SLC12A6: variants seen among roughly 807,000 people sequenced by gnomAD.
The protein encoded by SLC12A6 is K-Cl cotransporter 3.
SLC12A6 carries 66 observed loss-of-function variants against 135.3 expected under a neutral mutation model. The ratio of observed to expected loss-of-function variants is 0.49; its 90% CI spans 0.40 to 0.60. The LOEUF (loss-of-function observed/expected upper bound fraction) is 0.60, where lower values mean the gene tolerates loss of function less well. SLC12A6 is among the 20% of genes least tolerant of loss of function. The pLI is 0.00. For missense variants in SLC12A6, 1,058 were observed against 1,452.3 expected, an observed-to-expected ratio of 0.73 and a Z score of 4.41; for synonymous variants, 513 against 508.8, an observed-to-expected ratio of 1.01 and a Z score of -0.11.
At chr15:34,332,922 T>G (rs993729741) in intron 2 of SLC12A6, among the ~76,000 whole-genome samples, 6 of 152,178 alleles carry the variant, frequency 3.9e-5, no homozygotes, top group African/African-American at 1.4e-4. Flanking sequence ...GAAAGAGCAC[T>G]AGATAAAAGT....
intron 2 of SLC12A6, among the ~76,000 whole-genome samples, chr15:34,300,083 A>G (rs1265503637): frequency 6.6e-6 from 1 of 152,124 alleles, no homozygotes; most frequent in Non-Finnish European, 1.5e-5. Context: ...ATATTGTAAT[A>G]TATCAAGGGG....
At chr15:34,278,835 C>T (rs1894477048) in intron 2 of SLC12A6, among the ~76,000 whole-genome samples, 2 of 151,986 alleles carry the variant, frequency 1.3e-5, no homozygotes. Context: ...TCCCAAAGTG[C>T]TGGGATTACA....
chr15:34,324,756 C>T (rs1004467519), intron 2 of SLC12A6, among the ~76,000 whole-genome samples: 1 of 151,320 alleles, frequency 6.6e-6, no homozygotes, highest in Non-Finnish European at 1.5e-5. Flanking sequence ...ACTCCGTACC[C>T]TCTCGAGTGT....
At chr15:34,265,400 AT>A (rs1379739372) in intron 3 of SLC12A6, among the ~76,000 whole-genome samples, 2,995 of 123,216 alleles carry the variant, frequency 0.024, 113 homozygotes, top group African/African-American at 0.11. Flanking sequence ...AACAACAGCA[AT>A]TAAAAAAAAA....
intron 2 of SLC12A6, among the ~76,000 whole-genome samples, chr15:34,276,187 T>C (rs111440327): frequency 2.5e-3 from 386 of 152,302 alleles, no homozygotes; most frequent in Non-Finnish European, 3.9e-3. Flanking sequence ...CAAGCAGTCG[T>C]TTCATAAAGT....
rs79946608 is a variant in SLC12A6, at chr15:34,299,351, T to C, written c.272-23962A>G. On this transcript the variant is annotated intron_variant, in intron 2 of 25. Transcript: ENST00000354181. ...GTTGGGTATAAGCTGCCTTGTATTA[T>C]CTTTTAATTAATCAACATATTAATT... Among the ~76,000 whole-genome samples the C allele has an allele frequency of 3.5e-3, 535 of 152,356 alleles. 3 individuals are homozygous for C. The highest frequency in any genetic ancestry group is 0.012 in the African/African-American group (512 of 41,564).
chr15:34,285,713 T>TACACACACACACACACACACA (rs776596338), intron 2 of SLC12A6, among the ~76,000 whole-genome samples: 16 of 45,178 alleles, frequency 3.5e-4, no homozygotes, highest in Middle Eastern at 0.01. Flanking sequence ...TGTGTGTGTG[T>TACACACACACACACACACACA]TTGTCATACA....
intron 3 of SLC12A6, among the ~76,000 whole-genome samples, chr15:34,272,560 A>C (rs149453460): frequency 6.6e-6 from 1 of 152,340 alleles, no homozygotes; most frequent in African/African-American, 2.4e-5. Context: ...ATCTGGCCAG[A>C]AGACTGGATG....
rs200485502 is a variant in SLC12A6 at position 34,254,375 on chromosome 15, T to G, written c.1091A>C (p.Lys364Thr). ...GAAGTGTGGAGGAGCAAAAGAAGAC[T>G]TGATGGCTCCAGCATAGATGGCCAA... ...SILAIYAGAI[K>T]SSFAPPHFPV... The change falls in exon 9 of 26, where the codon AAG becomes ACG. Residue 364 changes from lysine (K) to threonine (T), a missense_variant. Lys to Thr is a moderately conservative substitution (Grantham distance 78, BLOSUM62 -1). Transcript: ENST00000354181. The G allele has an allele frequency of 8.7e-6, 14 of 1,613,910 alleles. No individual in the cohort carries two copies. In the East Asian group the frequency reaches 3.1e-4, roughly 36 times the overall value.
intron 13 of SLC12A6, 152 bp from the exon 14 acceptor site, chr15:34,246,019 G>T: frequency 2.8e-6 from 2 of 711,042 alleles, no homozygotes; most frequent in Non-Finnish European, 5.1e-6. Context: ...TCCAAACTCC[G>T]CCCCCCAAGT....
At chr15:34,294,940 T>A (rs1437251466) in intron 2 of SLC12A6, among the ~76,000 whole-genome samples, 1 of 152,214 alleles carries the variant, frequency 6.6e-6, no homozygotes. Flanking sequence ...ATTACATCAA[T>A]TTGTGTAATA....
At position 34,242,184 on chromosome 15, in the gene SLC12A6, G is replaced by A. The variant is rs759237364; in HGVS notation, c.2080C>T (p.Leu694=). The change falls in exon 17 of 26, where the codon CTG becomes TTG. Residue 694 remains leucine (L), a synonymous_variant. Coordinates refer to ENST00000354181, the MANE Select transcript of SLC12A6 (RefSeq NM_001365088.1). Reference sequence around the variant, plus strand: ...TAATACCAGGAAGAAATGAACATCAGAGCCAGACAGATACTCATTCCCATG... The same window carrying A: ...TAATACCAGGAAGAAATGAACATCAAAGCCAGACAGATACTCATTCCCATG... ...SFMGMSICLA[L]MFISSWYYAI... 13 of 1,597,590 alleles carry A rather than the reference G, an allele frequency of 8.1e-6. No homozygotes were observed. The East Asian group carries it at 2.9e-4, about 36-fold the overall frequency.
chr15:34,319,286 C>T (rs1470945585), intron 2 of SLC12A6, among the ~76,000 whole-genome samples: 1 of 151,580 alleles, frequency 6.6e-6, no homozygotes, highest in African/African-American at 2.4e-5. Context: ...CAGACATGTG[C>T]CACCATGCCC....
Position 34,318,480 on chromosome 15 carries a change from G to A in SLC12A6, c.271+17930C>T, listed in dbSNP as rs1888809801. ...AACACTTTTCTCTGTCCTAAAGAAG[G>A]CATTTTGAATTTTGATATCCTAGTT... On this transcript the variant is annotated intron_variant, in intron 2 of 25. Transcript: ENST00000354181. 5 of 1,076,788 alleles carry A rather than the reference G, an allele frequency of 4.6e-6. No homozygotes were observed. The Admixed American group carries it at 6.7e-5, about 15-fold the overall frequency. 66.7% of individuals were successfully genotyped at this position (1,076,788 alleles called of 1,614,324 possible).
At chr15:34,236,600 C>T (rs1891284607) in intron 23 of SLC12A6, 108 bp downstream of exon 23, 2 of 796,696 alleles carry the variant, frequency 2.5e-6, no homozygotes, top group Non-Finnish European at 4.5e-6. Flanking sequence ...CCTCGGCCTC[C>T]AAAAGTGCTG....
chr15:34,279,968 T>C lies in SLC12A6; in HGVS notation c.272-4579A>G, dbSNP rs910874986. On this transcript the variant is annotated intron_variant, in intron 2 of 25. Transcript: ENST00000354181. Reference sequence around the variant, plus strand: ...ATATATTTAACTTATCTTGGGTAAATAGTAAGAATGAAGATTTTAGTTTCC... The same window carrying C: ...ATATATTTAACTTATCTTGGGTAAACAGTAAGAATGAAGATTTTAGTTTCC... Among the ~76,000 whole-genome samples, 5 of 152,180 alleles carry C rather than the reference T, an allele frequency of 3.3e-5. No homozygotes were observed. In the East Asian group the frequency reaches 7.7e-4, roughly 23 times the overall value.
At chr15:34,324,003 A>C (rs1213433048) in intron 2 of SLC12A6, among the ~76,000 whole-genome samples, 1 of 151,598 alleles carries the variant, frequency 6.6e-6, no homozygotes, top group Non-Finnish European at 1.5e-5. Context: ...AAAATGGCAC[A>C]ATCATTTTGG....
Position 34,303,834 on chromosome 15 carries a change from C to T in SLC12A6, c.272-28445G>A, listed in dbSNP as rs370033492. Among the ~76,000 whole-genome samples, 19 of 152,300 alleles carry T rather than the reference C, an allele frequency of 1.2e-4. No individual in the cohort carries two copies. The East Asian group carries it at 3.3e-3, about 26-fold the overall frequency. ...CAGATGCTGGCACCTTGGTCTTGGA[C>T]TTTCCAGCCTCCAGAACCACGAGTC... is the stretch of plus-strand genomic sequence containing the variant. On this transcript the variant is annotated intron_variant, in intron 2 of 25. Transcript: ENST00000354181.
Position 34,337,620 on chromosome 15 carries a change from A to T in SLC12A6, c.-361T>A, listed in dbSNP as rs1012843317. ...CCCTACCCCCGCCCCGGCGCAGGTC[A>T]CCCCCTCGTCGTTCTTCCTCAGGGT... is the stretch of plus-strand genomic sequence containing the variant. On this transcript the variant is annotated 5_prime_UTR_variant, in exon 1 of 26. Coordinates refer to ENST00000354181, the MANE Select transcript of SLC12A6 (RefSeq NM_001365088.1). 1.3e-5 allele frequency: 2 copies of T among 151,514 alleles called. No homozygotes were observed. The highest frequency in any genetic ancestry group is 4.9e-5 in the African/African-American group (2 of 41,142). 9.4% of individuals were successfully genotyped at this position (151,514 alleles called of 1,614,324 possible).
Sources: gnomAD v4.1 joint callset for allele counts (sites outside exome capture counted in the v4.1 genomes callset) on GRCh38, gnomAD v4.1.1 for gene constraint, MANE v1.5 for transcripts, NCBI Gene and HGNC (gene_info 2026-07-23, HGNC 2026-07-21) for gene names.